The following IGF2R variants were observed in gnomAD, a reference collection of about 807,000 sequenced individuals.
IGF2R encodes the protein cation-independent mannose-6-phosphate receptor.
Under a neutral mutation model 270.6 loss-of-function variants are expected in IGF2R, and 91 were observed. The ratio of observed to expected loss-of-function variants is 0.34; its 90% confidence interval spans 0.28 to 0.40. The LOEUF (loss-of-function observed/expected upper bound fraction) is 0.40. Among genes scored for constraint, IGF2R ranks in the 10% least tolerant of loss-of-function variants. The probability of loss-of-function intolerance (pLI) is 1.00; values close to 1 mark genes in which losing one functional copy is unlikely to be tolerated. For missense variants in IGF2R, 2,805 were observed against 3,188.3 expected (o/e 0.88, Z 2.90); for synonymous variants, 1,316 against 1,258.9 (o/e 1.05, Z -0.96).
Position 160,096,611 on chromosome 6 carries a change from C to T in IGF2R, c.6828C>T (p.Ala2276=), listed in dbSNP as rs200108338. The T allele has an allele frequency of 4.7e-5, 76 of 1,613,558 alleles. No individual in the cohort carries two copies. Among genetic ancestry groups the T allele is most frequent in the African/African-American group, 2.7e-4 (20 of 75,068 alleles). ...ACCTCTTCTCTTGGTACACCTCAGC[C>T]GTGTGTCCTCTGGGGTGAGTATGAC... ...CQYLFSWYTS[A]VCPLGVGFDS... is the part of the protein sequence containing the mutation. Residue 2276 remains alanine (A), a synonymous_variant, in exon 45 of 48, where the codon GCC becomes GCT. Coordinates refer to ENST00000356956, the MANE Select transcript of IGF2R (RefSeq NM_000876.4).
At chr6:160,091,384 G>A (rs572234249) in intron 44 of IGF2R, among the ~76,000 whole-genome samples, 14 of 151,894 alleles carry the variant, frequency 9.2e-5, no homozygotes, top group African/African-American at 3.1e-4. Context: ...GCGCATCGCC[G>A]AGAAGGAGCA....
intron 18 of IGF2R, among the ~76,000 whole-genome samples, chr6:160,048,796 C>T (rs1172213818): frequency 6.6e-6 from 1 of 152,146 alleles, no homozygotes; most frequent in African/African-American, 2.4e-5. Context: ...GAGGAAGCAC[C>T]GAATGGTTAT....
chr6:160,058,480 A>G (rs142083106), intron 21 of IGF2R, among the ~76,000 whole-genome samples: 38 of 152,342 alleles, frequency 2.5e-4, no homozygotes, highest in African/African-American at 7.7e-4. Flanking sequence ...CTATAATATA[A>G]TAATTTTTAA....
At chr6:160,045,648 C>T (rs1778051935) in intron 13 of IGF2R, 97 bp from the exon 14 acceptor site, 1 of 1,466,672 alleles carries the variant, frequency 6.8e-7, no homozygotes, top group South Asian at 1.1e-5. Context: ...TCATTTCCCA[C>T]TGTCCCTTCC....
intron 47 of IGF2R, among the ~76,000 whole-genome samples, 170 bp downstream of exon 47, chr6:160,103,985 GTTA>G (rs1779553539): frequency 6.6e-6 from 1 of 151,754 alleles, no homozygotes. Context: ...ACATTTTTTT[GTTA>G]TTTTTTTCCC....
At chr6:160,075,808 A>C in intron 35 of IGF2R, 39 bp from the exon 36 acceptor site, 1 of 1,601,510 alleles carries the variant, frequency 6.2e-7, no homozygotes. Flanking sequence ...GGGAATGGTT[A>C]ATTTCCTGAA....
rs929702657 is a variant in IGF2R at position 160,107,552 on chromosome 6, T to C, written c.*2468T>C. ...ACTCTTTTTCAGAGAAATGATTTTA[T>C]TGATGGAGTACAACCTGGGTATTTA... On this transcript the variant is annotated 3_prime_UTR_variant, in exon 48 of 48. Transcript: ENST00000356956. 1.3e-5 allele frequency: 2 copies of C among 152,250 alleles called. No individual in the cohort carries two copies. Among genetic ancestry groups the C allele is most frequent in the Non-Finnish European group, 2.9e-5 (2 of 68,042 alleles). The allele number at this position is 152,250 out of a possible 1,614,324, so 9.4% of individuals were successfully genotyped here. A position where few individuals can be genotyped will look rare whatever the true frequency, so the allele number is the denominator to read the frequency against.
rs1180785828 is a variant in IGF2R at position 160,109,567 on chromosome 6, G to A, written c.*4483G>A. ...GGTGCCACCATCAGAACCACAATAT[G>A]TGGGGACGGTACTGCCAGCTAAGCC... On this transcript the variant is annotated 3_prime_UTR_variant, in exon 48 of 48. Coordinates refer to ENST00000356956, the MANE Select transcript of IGF2R (RefSeq NM_000876.4). 1 of 152,206 alleles carries A rather than the reference G, an allele frequency of 6.6e-6. No individual in the cohort carries two copies. 9.4% of individuals were successfully genotyped at this position (152,206 alleles called of 1,614,324 possible).
chr6:160,003,183 A>T (rs753333952), intron 2 of IGF2R: 9 of 152,236 alleles, frequency 5.9e-5, no homozygotes, highest in Admixed American at 6.5e-5. Flanking sequence ...ACTCACAGAA[A>T]TCTACAGCAG....
At chr6:160,035,223 A>G (rs1218472461) in intron 10 of IGF2R, among the ~76,000 whole-genome samples, 1 of 152,128 alleles carries the variant, frequency 6.6e-6, no homozygotes, top group East Asian at 1.9e-4. Context: ...GAGCAATTCT[A>G]GGGCCCATTC....
chr6:160,067,844 C>T (rs1027375311), intron 29 of IGF2R, among the ~76,000 whole-genome samples: 4 of 152,190 alleles, frequency 2.6e-5, no homozygotes, highest in Non-Finnish European at 4.4e-5. Flanking sequence ...AGGTGGCGTG[C>T]GGCTGCCCCG....
At chr6:160,059,232 G>C (rs962341646) in intron 22 of IGF2R, 134 bp downstream of exon 22, 4 of 684,450 alleles carry the variant, frequency 5.8e-6, no homozygotes, top group Non-Finnish European at 9.6e-6. Flanking sequence ...TGCTGCAGGA[G>C]CCATCACGGT....
Position 160,104,702 on chromosome 6 carries a change from A to G in IGF2R, c.7094A>G (p.Asn2365Ser). The change falls in exon 48 of 48, where the codon AAT (asparagine) becomes AGT (serine). Residue 2365 changes from asparagine to serine, a missense_variant. Physicochemically the swap from Asn to Ser is conservative, Grantham distance 46 (BLOSUM62 1). This residue lies in a region of IGF2R where 1,851 missense variants were observed against 2,207.2 expected (regional missense o/e 0.84). Transcript: ENST00000356956. The part of the protein sequence containing the change: ...KVNKEEETDE[N>S]ETEWLMEEIQ... ...AATAAGGAAGAAGAGACAGATGAGAATGAAACAGAGTGGCTGATGGAAGAG... is the reference window on the plus strand; with the variant it reads ...AATAAGGAAGAAGAGACAGATGAGAGTGAAACAGAGTGGCTGATGGAAGAG... The G allele has an allele frequency of 6.2e-7, 1 of 1,613,894 alleles. No homozygotes were observed. Among genetic ancestry groups the G allele is most frequent in the Non-Finnish European group, 8.5e-7 (1 of 1,179,914 alleles).
Position 160,083,932 on chromosome 6 carries a change from T to C in IGF2R, c.5834-18T>C. The C allele has an allele frequency of 1.3e-6, 2 of 1,561,160 alleles. No individual in the cohort carries two copies. The highest frequency in any genetic ancestry group is 1.8e-6 in the Non-Finnish European group (2 of 1,131,656). ...CAGTGACAGTCTGATCTCTCTCTCTTTTCCCTACACTCCCCAGCAAACAGC... is the reference window on the plus strand; with the variant it reads ...CAGTGACAGTCTGATCTCTCTCTCTCTTCCCTACACTCCCCAGCAAACAGC... On this transcript the variant is annotated intron_variant, in intron 39 of 47. Coordinates refer to ENST00000356956, the MANE Select transcript of IGF2R (RefSeq NM_000876.4).
chr6:160,102,595 G>A lies in IGF2R; in HGVS notation c.6919G>A (p.Gly2307Ser), dbSNP rs1180693246. ...GCTGTCAGAACGGAGCCAGGCAGTC[G>A]GCGCGGTGCTCAGCCTGCTGCTGGT... ...KGLSERSQAV[G>S]AVLSLLLVAL... The change falls in exon 46 of 48, where the codon GGC (glycine) becomes AGC (serine). Residue 2307 changes from glycine (G) to serine (S), a missense_variant. This residue lies in a region of IGF2R where 1,851 missense variants were observed against 2,207.2 expected (regional missense o/e 0.84). Transcript: ENST00000356956. This position sits in a 1 kb window ranked among gnomAD's most constrained non-coding sequence, Gnocchi z 4.5. 12 of 1,613,722 alleles carry A rather than the reference G, an allele frequency of 7.4e-6. No homozygotes were observed. Among genetic ancestry groups the A allele is most frequent in the East Asian group, 2.2e-5 (1 of 44,872 alleles).
intron 2 of IGF2R, chr6:160,005,267 T>G (rs1583253739): frequency 6.6e-6 from 1 of 152,670 alleles, no homozygotes; most frequent in East Asian, 1.9e-4. Context: ...GGCAGCCGCG[T>G]GAACCTGGAG....
At chr6:160,068,522 T>C in intron 30 of IGF2R, 137 bp downstream of exon 30, 3 of 1,437,958 alleles carry the variant, frequency 2.1e-6, no homozygotes, top group Non-Finnish European at 2.8e-6. Context: ...GAGGGCCTCC[T>C]CGTGGGGTGG....
Position 160,107,218 on chromosome 6 carries a change from C to T in IGF2R, c.*2134C>T, listed in dbSNP as rs1347050975. On this transcript the variant is annotated 3_prime_UTR_variant, in exon 48 of 48. Transcript: ENST00000356956. ...AGATGCTGGTCCTCAGGCATTCTAC[C>T]CAGGGGGCTGTTCTCCAGGCCATTC... The T allele has an allele frequency of 2.0e-5, 3 of 152,212 alleles. No homozygotes were observed. The highest frequency in any genetic ancestry group is 3.8e-4 in the East Asian group (2 of 5,204). The allele number at this position is 152,212 out of a possible 1,614,324, so 9.4% of individuals were successfully genotyped here.
chr6:160,024,551 T>G (rs1355258030), intron 4 of IGF2R, 21 bp from the exon 5 acceptor site: 2 of 1,613,124 alleles, frequency 1.2e-6, no homozygotes, highest in Non-Finnish European at 1.7e-6. Context: ...GAAGACTCAC[T>G]TTTTTCTTCC....
Sources: allele counts gnomAD v4.1 joint callset (sites outside exome capture counted in the v4.1 genomes callset), GRCh38; gene constraint gnomAD v4.1.1; regional missense constraint gnomAD v4.1.1; non-coding constraint Gnocchi (gnomAD v3.1); transcripts MANE v1.5; gene names NCBI Gene and HGNC (gene_info 2026-07-23, HGNC 2026-07-21).